FSCN2: variants seen among roughly 807,000 people sequenced by gnomAD.
FSCN2 encodes the protein fascin-2.
FSCN2 carries 46 observed loss-of-function variants against 37.8 expected under a neutral mutation model. That is an observed-to-expected ratio of 1.22 (90% confidence interval 0.96 to 1.56). FSCN2 has a LOEUF of 1.56. Ranked by LOEUF, FSCN2 falls within the 40% of genes most tolerant of loss-of-function variation. The pLI is 0.00. For missense variants in FSCN2, 844 were observed against 730.4 expected, an observed-to-expected ratio of 1.16 and a Z score of -1.79; for synonymous variants, 351 against 309.4, an observed-to-expected ratio of 1.13 and a Z score of -1.41.
At position 81,528,638 on chromosome 17, in the gene FSCN2, C is replaced by G. The variant is rs1555670532; in HGVS notation, c.107C>G (p.Ser36Trp). Residue 36 changes from serine to tryptophan, a missense_variant, in exon 1 of 5, where the codon TCG (serine) becomes TGG (tryptophan). Ser to Trp is a radical substitution (Grantham distance 177). Transcript: ENST00000417245. ...AESFGFKVNASAPSLKRKQTW... is the reference protein window; with the variant it reads ...AESFGFKVNAWAPSLKRKQTW... ...AGCTTCGGCTTCAAGGTCAATGCCT[C>G]GGCACCCAGCCTCAAGAGGAAGCAG... 1.2e-6 allele frequency: 2 copies of G among 1,603,986 alleles called. No individual in the cohort carries two copies. Among genetic ancestry groups the G allele is most frequent in the Non-Finnish European group, 1.7e-6 (2 of 1,176,024 alleles).
At position 81,529,083 on chromosome 17, in the gene FSCN2, C is replaced by G; in HGVS notation, c.552C>G (p.Tyr184Ter). Residue 184 changes from tyrosine to a stop codon, truncating the protein, a stop_gained, in exon 1 of 5, where the codon TAC becomes TAG. Coordinates refer to ENST00000417245, the MANE Select transcript of FSCN2 (RefSeq NM_012418.4). LOFTEE classifies it high-confidence loss of function. Reference protein sequence around the residue: ...LLTLIFRSRRYCLKSCDSRYL... With the variant: ...LLTLIFRSRR The stretch of plus-strand genomic sequence containing the variant: ...CCCTCATCTTCCGGAGCCGACGGTA[C>G]TGCCTCAAGTCCTGTGACAGCCGCT... The G allele has an allele frequency of 4.4e-6, 7 of 1,590,632 alleles. No individual in the cohort carries two copies. Among genetic ancestry groups the G allele is most frequent in the Non-Finnish European group, 6.0e-6 (7 of 1,170,718 alleles).
chr17:81,531,909 GTGA>G (rs1879210384), intron 1 of FSCN2, among the ~76,000 whole-genome samples: 1 of 143,278 alleles, frequency 7.0e-6, no homozygotes, highest in African/African-American at 2.6e-5. Context: ...GATAGTGATG[GTGA>G]TGATGGTGAT....
intron 1 of FSCN2, chr17:81,530,546 A>G (rs782227618): frequency 2.7e-5 from 13 of 484,540 alleles, no homozygotes; most frequent in South Asian, 2.0e-4. Context: ...AGGTGGGGAG[A>G]GCCGGGTGCA....
chr17:81,527,060 C>A (rs1359856911), upstream of FSCN2: 6 of 152,294 alleles, frequency 3.9e-5, no homozygotes, highest in African/African-American at 1.2e-4. Context: ...TCTGCAGGTG[C>A]CTGGCACGGT....
At chr17:81,516,678 C>G in the FSCN2 span, among the ~76,000 whole-genome samples, 1 of 152,256 alleles carries the variant, frequency 6.6e-6, no homozygotes, top group Non-Finnish European at 1.5e-5. Context: ...ACACTTCTGT[C>G]TCCTGGCTGG....
At chr17:81,527,297 C>T (rs1292557791), upstream of FSCN2, 19 of 152,326 alleles carry the variant, frequency 1.2e-4, no homozygotes, top group African/African-American at 4.6e-4. Context: ...GGCCCCTGTT[C>T]CCAGTCCCCA....
chr17:81,528,863 T>C lies in FSCN2; in HGVS notation c.332T>C (p.Phe111Ser). ...CGGTCCGAGCCGCACGGCCGCTTCT[T>C]CGGAGGCACCGAGGACCAGCTGTCC... is the stretch of plus-strand genomic sequence containing the variant. ...VLRSEPHGRF[F>S]GGTEDQLSCF... The change falls in exon 1 of 5, where the codon TTC (phenylalanine) becomes TCC (serine). Residue 111 changes from phenylalanine (F) to serine (S), a missense_variant. Coordinates refer to ENST00000417245, the MANE Select transcript of FSCN2 (RefSeq NM_012418.4). The C allele has an allele frequency of 1.9e-6, 3 of 1,561,544 alleles. No homozygotes were observed. Among genetic ancestry groups the C allele is most frequent in the Non-Finnish European group, 2.6e-6 (3 of 1,156,370 alleles).
intron 1 of FSCN2, among the ~76,000 whole-genome samples, chr17:81,531,345 GTGATGATGGTGA>G (rs2032568944): frequency 3.3e-5 from 2 of 59,718 alleles, no homozygotes; most frequent in African/African-American, 1.1e-4. Context: ...GATGGTGGTG[GTGATGATGGTGA>G]TGGTGATGAT....
upstream of FSCN2, among the ~76,000 whole-genome samples, chr17:81,525,199 G>T (rs1309662365): frequency 6.6e-6 from 1 of 151,684 alleles, no homozygotes; most frequent in Non-Finnish European, 1.5e-5. Context: ...GCCGAGGCAG[G>T]TGGATCACCT....
rs2143908017 is a variant in FSCN2 at position 81,536,875 on chromosome 17, G to A, written c.1274G>A (p.Gly425Asp). 3 of 1,569,054 alleles carry A rather than the reference G, an allele frequency of 1.9e-6. No homozygotes were observed. The highest frequency in any genetic ancestry group is 2.3e-5 in the East Asian group (1 of 42,688). The change falls in exon 5 of 5, where the codon GGC (glycine) becomes GAC (aspartate). Residue 425 changes from glycine to aspartate, a missense_variant and splice_region_variant. Coordinates refer to ENST00000417245, the MANE Select transcript of FSCN2 (RefSeq NM_012418.4). ...SFSDGAYRIR[G>D]RDGGFWYTGS... Reference sequence around the variant, plus strand: ...CCGCCGACGCCGTCCCGTCCCCCAGGCCGCGACGGAGGGTTCTGGTACACG... The same window carrying A: ...CCGCCGACGCCGTCCCGTCCCCCAGACCGCGACGGAGGGTTCTGGTACACG...
chr17:81,529,682 G>A (rs551184193), intron 1 of FSCN2: 6 of 594,076 alleles, frequency 1.0e-5, no homozygotes, highest in Middle Eastern at 2.8e-4. Context: ...TGGGCCAGGC[G>A]ATGGGCAGTG....
intron 1 of FSCN2, among the ~76,000 whole-genome samples, chr17:81,531,432 GAGATGGTGGTGA>G (rs2032584841): frequency 1.4e-4 from 5 of 34,862 alleles, no homozygotes; most frequent in Admixed American, 3.0e-4. Flanking sequence ...AGTGATGATG[GAGATGGTGGTGA>G]TGGTGGTGGT....
chr17:81,528,528 G>A lies in FSCN2; in HGVS notation c.-4G>A, dbSNP rs782685929. 7 of 1,584,818 alleles carry A rather than the reference G, an allele frequency of 4.4e-6. No individual in the cohort carries two copies. Among genetic ancestry groups the A allele is most frequent in the South Asian group, 1.1e-5 (1 of 87,472 alleles). On this transcript the variant is annotated 5_prime_UTR_variant, in exon 1 of 5. Coordinates refer to ENST00000417245, the MANE Select transcript of FSCN2 (RefSeq NM_012418.4). ...GCCCCTCCGGGGACCCGGCCAGCCT[G>A]AAGATGCCGACGAACGGCCTGCACC...
chr17:81,531,486 ATGATGG>A (rs754999869), intron 1 of FSCN2, among the ~76,000 whole-genome samples: 1,326 of 79,386 alleles, frequency 0.017, 10 homozygotes, highest in Non-Finnish European at 0.023. Flanking sequence ...GGTGATGGTG[ATGATGG>A]TGATGGTGAT....
At chr17:81,531,774 G>A (rs1598574660) in intron 1 of FSCN2, among the ~76,000 whole-genome samples, 5 of 121,488 alleles carry the variant, frequency 4.1e-5, no homozygotes, top group Non-Finnish European at 8.5e-5. Context: ...GGTGATGATA[G>A]TGATGGTGAT....
At chr17:81,531,427 T>C (rs1313350675) in intron 1 of FSCN2, among the ~76,000 whole-genome samples, 12 of 135,510 alleles carry the variant, frequency 8.9e-5, no homozygotes, top group Admixed American at 8.8e-4. Context: ...GTGATAGTGA[T>C]GATGGAGATG....
chr17:81,521,150 C>T, the FSCN2 span, among the ~76,000 whole-genome samples: 1 of 152,174 alleles, frequency 6.6e-6, no homozygotes, highest in East Asian at 1.9e-4. Flanking sequence ...CCACCGCAAC[C>T]TCTCCCTCCC....
intron 1 of FSCN2, among the ~76,000 whole-genome samples, chr17:81,532,293 A>ATGG (rs2032692684): frequency 8.0e-6 from 1 of 125,244 alleles, no homozygotes; most frequent in African/African-American, 3.2e-5. Context: ...GATGGTGGTG[A>ATGG]TGATGATGAT....
At chr17:81,524,273 A>T (rs1378168573), upstream of FSCN2, among the ~76,000 whole-genome samples, 2 of 152,078 alleles carry the variant, frequency 1.3e-5, no homozygotes, top group African/African-American at 4.8e-5. Context: ...TGGCTGAGGC[A>T]TTCCTTGCCC....
Sources: allele counts gnomAD v4.1 joint callset (sites outside exome capture counted in the v4.1 genomes callset), GRCh38; gene constraint gnomAD v4.1.1; transcripts MANE v1.5; gene names NCBI Gene and HGNC (gene_info 2026-07-23, HGNC 2026-07-21).